ZNF521: variants seen among roughly 807,000 people sequenced by gnomAD.
The protein encoded by ZNF521 is LYST-interacting protein 3.
In ZNF521, 14 loss-of-function variants were observed where a neutral mutation model predicts 105.5. The observed-to-expected ratio is 0.13, with a 90% CI of 0.09 to 0.21. ZNF521 has a LOEUF of 0.21. Ranked by LOEUF, ZNF521 falls within the 10% of genes least tolerant of loss-of-function variation. The pLI, the probability that ZNF521 is intolerant of heterozygous loss-of-function variation, is 1.00. For missense variants in ZNF521, 1,233 were observed against 1,629.7 expected (o/e 0.76, Z 4.19); for synonymous variants, 635 against 606.0 (o/e 1.05, Z -0.70).
chr18:25,318,895 A>G (rs1246525040), intron 3 of ZNF521, among the ~76,000 whole-genome samples: 2 of 152,000 alleles, frequency 1.3e-5, no homozygotes, highest in African/African-American at 2.4e-5. Flanking sequence ...CATACATAGT[A>G]TCCATATCTT....
At chr18:25,080,469 G>A (rs751944584) in intron 7 of ZNF521, among the ~76,000 whole-genome samples, 3 of 152,258 alleles carry the variant, frequency 2.0e-5, no homozygotes, top group Admixed American at 1.3e-4. Context: ...CTGTAGATTC[G>A]TTGCAAATAT....
intron 3 of ZNF521, among the ~76,000 whole-genome samples, chr18:25,233,659 G>C (rs1396776967): frequency 6.8e-6 from 1 of 147,010 alleles, no homozygotes; most frequent in Admixed American, 6.8e-5. Flanking sequence ...CTCAAGCTCA[G>C]AGGTTTTTTT....
At chr18:25,105,497 C>G (rs2034053934) in intron 5 of ZNF521, among the ~76,000 whole-genome samples, 1 of 152,120 alleles carries the variant, frequency 6.6e-6, no homozygotes, top group African/African-American at 2.4e-5. Flanking sequence ...AAGATTATAA[C>G]AATGGTACAT....
Position 25,226,763 on chromosome 18 carries a change from C to T in ZNF521, c.1155G>A (p.Arg385=). Residue 385 remains arginine, a synonymous_variant, in exon 4 of 8, where the codon AGG becomes AGA. Coordinates refer to ENST00000361524, the MANE Select transcript of ZNF521 (RefSeq NM_015461.3). This position sits in a 1 kb window ranked among gnomAD's most constrained non-coding sequence, Gnocchi z 4.1. ...TCATGTCAGGGGTTTGTTGAGCGGCCCTCTTCCTCCCTCGACTCTTTGGGA... is the reference window on the plus strand; with the variant it reads ...TCATGTCAGGGGTTTGTTGAGCGGCTCTCTTCCTCCCTCGACTCTTTGGGA... ...PPIPKSRGRK[R]AAQQTPDMTG... 6.2e-7 allele frequency: 1 copy of T among 1,614,054 alleles called. No homozygotes were observed. The highest frequency in any genetic ancestry group is 2.2e-5 in the East Asian group (1 of 44,860).
chr18:25,351,094 G>A, intron 1 of ZNF521, 147 bp from the exon 2 acceptor site: 1 of 344,680 alleles, frequency 2.9e-6, no homozygotes, highest in Non-Finnish European at 4.2e-6. Flanking sequence ...CCTCGCTCCG[G>A]CTCCGGCTCG....
chr18:25,305,128 C>T (rs1911901712), intron 3 of ZNF521, among the ~76,000 whole-genome samples: 1 of 152,136 alleles, frequency 6.6e-6, no homozygotes, highest in Admixed American at 6.5e-5. Context: ...GTACAAATCT[C>T]CCATATTTAA....
intron 5 of ZNF521, among the ~76,000 whole-genome samples, chr18:25,138,957 T>C (rs538186787): frequency 6.6e-6 from 1 of 152,040 alleles, no homozygotes; most frequent in Non-Finnish European, 1.5e-5. Context: ...GATGGTTGGG[T>C]TTTAGCTGCT....
intron 1 of ZNF521, among the ~76,000 whole-genome samples, chr18:25,351,350 C>G (rs1914758467): frequency 6.7e-6 from 1 of 149,836 alleles, no homozygotes; most frequent in African/African-American, 2.4e-5. Context: ...CTATTTCCAC[C>G]TCAATCAAAA....
intron 2 of ZNF521, chr18:25,327,574 T>C (rs369033802): frequency 2.4e-5 from 15 of 616,366 alleles, no homozygotes; most frequent in Middle Eastern, 3.0e-4. Flanking sequence ...GAGAAAAAGT[T>C]ACCTTCAGGC....
At chr18:25,213,295 A>T (rs938899303) in intron 4 of ZNF521, among the ~76,000 whole-genome samples, 1 of 150,524 alleles carries the variant, frequency 6.6e-6, no homozygotes, top group African/African-American at 2.4e-5. Flanking sequence ...ATAATATTTT[A>T]AAAAGTTTTT....
chr18:25,215,653 T>C (rs1343683954), intron 4 of ZNF521, among the ~76,000 whole-genome samples: 1 of 152,192 alleles, frequency 6.6e-6, no homozygotes, highest in Non-Finnish European at 1.5e-5. Context: ...TTTCATAAGT[T>C]CTAAAAAGTC....
At chr18:25,168,433 T>C (rs905389772) in intron 5 of ZNF521, among the ~76,000 whole-genome samples, 4 of 152,154 alleles carry the variant, frequency 2.6e-5, no homozygotes, top group Non-Finnish European at 5.9e-5. Context: ...TGCTAGATAA[T>C]CAAATTCTTC....
At chr18:25,347,821 C>A (rs1598497429) in intron 2 of ZNF521, among the ~76,000 whole-genome samples, 1 of 152,172 alleles carries the variant, frequency 6.6e-6, no homozygotes, top group East Asian at 1.9e-4. Flanking sequence ...AGGTAAATGA[C>A]TTTCCTGAGA....
intron 3 of ZNF521, among the ~76,000 whole-genome samples, chr18:25,313,828 G>A (rs1912457813): frequency 6.6e-6 from 1 of 152,092 alleles, no homozygotes; most frequent in Admixed American, 6.5e-5. Context: ...TGCATATAGA[G>A]ATGGGCTGGA....
chr18:25,168,954 GGT>G (rs33910445), intron 5 of ZNF521, among the ~76,000 whole-genome samples: 33 of 150,260 alleles, frequency 2.2e-4, no homozygotes, highest in East Asian at 7.9e-4. Flanking sequence ...CTGTGTCTGG[GGT>G]GTGTGTGTGT....
chr18:25,289,890 G>C (rs1295747797), intron 3 of ZNF521, among the ~76,000 whole-genome samples: 1 of 152,148 alleles, frequency 6.6e-6, no homozygotes, highest in Non-Finnish European at 1.5e-5. Context: ...ACGTGTTCAA[G>C]AAAGTTTTTC....
At chr18:25,094,630 A>G (rs1314673413) in intron 5 of ZNF521, among the ~76,000 whole-genome samples, 1 of 152,114 alleles carries the variant, frequency 6.6e-6, no homozygotes, top group African/African-American at 2.4e-5. Flanking sequence ...TTTAAGTTAC[A>G]CTGTGAGGTC....
intron 2 of ZNF521, among the ~76,000 whole-genome samples, chr18:25,332,347 C>CAAA (rs33971407): frequency 5.3e-4 from 68 of 127,862 alleles, no homozygotes; most frequent in African/African-American, 1.9e-3. Flanking sequence ...AAGATCACAG[C>CAAA]AAAAAAAAAA....
intron 3 of ZNF521, among the ~76,000 whole-genome samples, chr18:25,275,705 TC>T (rs1909986494): frequency 6.6e-6 from 1 of 152,194 alleles, no homozygotes; most frequent in Non-Finnish European, 1.5e-5. Context: ...CAATGGGCTT[TC>T]CTGCCAAACA....
Sources: allele counts gnomAD v4.1 joint callset (sites outside exome capture counted in the v4.1 genomes callset), GRCh38; gene constraint gnomAD v4.1.1; non-coding constraint Gnocchi (gnomAD v3.1); transcripts MANE v1.5; gene names NCBI Gene and HGNC (gene_info 2026-07-23, HGNC 2026-07-21).